The following PHACTR1 variants were observed in gnomAD, a reference collection of about 807,000 sequenced individuals.
PHACTR1 encodes the protein phosphatase and actin regulator 1, also known as RPEL repeat containing 1.
A neutral mutation model predicts 69.2 loss-of-function variants in PHACTR1; 16 were observed. The ratio of observed to expected loss-of-function variants is 0.23; its 90% CI spans 0.16 to 0.35. The LOEUF (loss-of-function observed/expected upper bound fraction) is 0.35. Ranked by LOEUF, PHACTR1 falls within the 10% of genes least tolerant of loss-of-function variation. PHACTR1 has a pLI of 1.00. For missense variants in PHACTR1, 510 were observed against 734.7 expected (o/e 0.69, Z 3.54); for synonymous variants, 312 against 284.5 (o/e 1.10, Z -0.97).
At chr6:13,040,423 C>T (rs2127711009) in intron 4 of PHACTR1, among the ~76,000 whole-genome samples, 1 of 152,208 alleles carries the variant, frequency 6.6e-6, no homozygotes, top group South Asian at 2.1e-4. Context: ...TAAAGGAAAA[C>T]TAAAAAGATA....
At chr6:13,208,415 T>C (rs1766256223) in intron 8 of PHACTR1, among the ~76,000 whole-genome samples, 1 of 152,244 alleles carries the variant, frequency 6.6e-6, no homozygotes, top group African/African-American at 2.4e-5. Flanking sequence ...TTGTATTATA[T>C]TTTACAAAAG....
chr6:13,151,239 G>T (rs78721271), intron 5 of PHACTR1, among the ~76,000 whole-genome samples: 1 of 152,188 alleles, frequency 6.6e-6, no homozygotes, highest in Non-Finnish European at 1.5e-5. Flanking sequence ...GTTGAGCAGA[G>T]AATTCAACAG....
At chr6:12,993,649 A>G (rs145595119) in intron 4 of PHACTR1, among the ~76,000 whole-genome samples, 10 of 152,366 alleles carry the variant, frequency 6.6e-5, no homozygotes, top group African/African-American at 2.4e-4. Flanking sequence ...CACTTTGCCT[A>G]TAAGGTCAGG....
chr6:12,861,548 C>G (rs541182254), intron 4 of PHACTR1, among the ~76,000 whole-genome samples: 1 of 152,350 alleles, frequency 6.6e-6, no homozygotes, highest in African/African-American at 2.4e-5. Flanking sequence ...CTGTATTGCT[C>G]TTCTGCTGTT....
At chr6:13,220,034 C>A (rs1001305517) in intron 8 of PHACTR1, among the ~76,000 whole-genome samples, 4 of 152,026 alleles carry the variant, frequency 2.6e-5, no homozygotes, top group Admixed American at 2.0e-4. Context: ...ATAACAATAC[C>A]CTTCTTAACT....
At chr6:12,886,783 T>A (rs1783684984) in intron 4 of PHACTR1, among the ~76,000 whole-genome samples, 1 of 152,010 alleles carries the variant, frequency 6.6e-6, no homozygotes, top group African/African-American at 2.4e-5. Flanking sequence ...GTCTGATACT[T>A]CCTTTCTGCA....
intron 6 of PHACTR1, among the ~76,000 whole-genome samples, chr6:13,176,069 C>G (rs1342746232): frequency 1.3e-5 from 2 of 152,020 alleles, no homozygotes; most frequent in Non-Finnish European, 2.9e-5. Context: ...CAAGCAGAAG[C>G]CCTGGGGAAA....
chr6:12,878,198 A>G (rs1782732640), intron 4 of PHACTR1, among the ~76,000 whole-genome samples: 1 of 152,264 alleles, frequency 6.6e-6, no homozygotes, highest in Non-Finnish European at 1.5e-5. Context: ...AGAACCTTAC[A>G]GGGGCTCTTA....
At chr6:13,175,970 A>T (rs1761262573) in intron 6 of PHACTR1, among the ~76,000 whole-genome samples, 1 of 152,052 alleles carries the variant, frequency 6.6e-6, no homozygotes, top group African/African-American at 2.4e-5. Flanking sequence ...CAGGAGGGAA[A>T]GGATGGATTG....
At chr6:13,159,634 T>C (rs921971115) in intron 5 of PHACTR1, among the ~76,000 whole-genome samples, 2 of 152,018 alleles carry the variant, frequency 1.3e-5, no homozygotes, top group African/African-American at 4.8e-5. Context: ...TAAATTGGGG[T>C]TCAATTAAAT....
intron 4 of PHACTR1, among the ~76,000 whole-genome samples, chr6:12,953,599 T>C (rs937132502): frequency 3.9e-5 from 6 of 152,332 alleles, no homozygotes; most frequent in South Asian, 2.1e-4. Flanking sequence ...GCTGAAAGAA[T>C]GAAACTGTAT....
intron 4 of PHACTR1, among the ~76,000 whole-genome samples, chr6:12,903,397 G>T (rs1369990509): frequency 6.6e-6 from 1 of 152,182 alleles, no homozygotes; most frequent in African/African-American, 2.4e-5. Flanking sequence ...TATCATGCAC[G>T]TGGTCAGCAT....
chr6:13,019,653 CTTAGT>C (rs1222278106), intron 4 of PHACTR1, among the ~76,000 whole-genome samples: 1 of 152,158 alleles, frequency 6.6e-6, no homozygotes, highest in Admixed American at 6.5e-5. Flanking sequence ...TAAATAGTCA[CTTAGT>C]TTAGGAGAAG....
At chr6:12,856,941 T>A (rs1485539594) in intron 4 of PHACTR1, among the ~76,000 whole-genome samples, 1 of 152,180 alleles carries the variant, frequency 6.6e-6, no homozygotes, top group African/African-American at 2.4e-5. Flanking sequence ...AATCTCAGAA[T>A]CCTCAGCCCT....
chr6:12,972,022 C>T (rs765424117), intron 4 of PHACTR1, among the ~76,000 whole-genome samples: 1 of 151,046 alleles, frequency 6.6e-6, no homozygotes, highest in African/African-American at 2.4e-5. Flanking sequence ...TGTGTAGAGA[C>T]TCGTTACGCA....
At chr6:12,958,453 AG>A (rs1361224007) in intron 4 of PHACTR1, among the ~76,000 whole-genome samples, 1 of 152,236 alleles carries the variant, frequency 6.6e-6, no homozygotes. Flanking sequence ...TTGTGGCTGA[AG>A]AAAAAGGAAA....
intron 5 of PHACTR1, among the ~76,000 whole-genome samples, chr6:13,118,001 C>A (rs1029755532): frequency 3.3e-5 from 5 of 152,208 alleles, no homozygotes; most frequent in Admixed American, 3.3e-4. Flanking sequence ...ATATTACTTT[C>A]CTCCTTAAAT....
intron 3 of PHACTR1, among the ~76,000 whole-genome samples, chr6:12,732,108 C>A (rs912617148): frequency 2.6e-5 from 4 of 151,692 alleles, no homozygotes; most frequent in African/African-American, 9.7e-5. Flanking sequence ...CTGCCCGAGT[C>A]TCCACGGGAG....
chr6:12,967,882 A>C (rs1354991278), intron 4 of PHACTR1, among the ~76,000 whole-genome samples: 1 of 152,230 alleles, frequency 6.6e-6, no homozygotes, highest in Non-Finnish European at 1.5e-5. Flanking sequence ...TTGTCCAAGA[A>C]AGCTTTTATG....
Sources: allele counts gnomAD v4.1 joint callset (sites outside exome capture counted in the v4.1 genomes callset), GRCh38; gene constraint gnomAD v4.1.1; transcripts MANE v1.5; gene names NCBI Gene and HGNC (gene_info 2026-07-23, HGNC 2026-07-21).